EFCAB5: variants seen among roughly 807,000 people sequenced by gnomAD.
EFCAB5 encodes the protein EF-hand calcium binding domain 5.
EFCAB5 carries 131 observed loss-of-function variants against 167.9 expected under a neutral mutation model. That is an observed-to-expected ratio of 0.78 (90% CI 0.68 to 0.90). The LOEUF (loss-of-function observed/expected upper bound fraction) is 0.90, where lower values mean the gene tolerates loss of function less well. EFCAB5 is among the 40% of genes least tolerant of loss of function. EFCAB5 has a pLI of 0.00. For missense variants in EFCAB5, 1,663 were observed against 1,745.2 expected, an observed-to-expected ratio of 0.95 and a Z score of 0.84; for synonymous variants, 574 against 602.8, an observed-to-expected ratio of 0.95 and a Z score of 0.70.
In EFCAB5 at chr17:30,093,017, G is replaced by A. The variant is rs556530676; in HGVS notation, c.4321+81G>A. ...TGTGATTTTTATTAGGATAAAGCAA[G>A]TGGGTCATAAATTCAGTTTTTAGGA... On this transcript the variant is annotated intron_variant, in intron 22 of 22. Coordinates refer to ENST00000394835, the MANE Select transcript of EFCAB5 (RefSeq NM_198529.4). 6.4e-4 allele frequency: 692 copies of A among 1,087,828 alleles called. 5 individuals are homozygous for A. In the Middle Eastern group the frequency reaches 0.025, roughly 39 times the overall value. The allele number at this position is 1,087,828 out of a possible 1,614,324, so 67.4% of individuals were successfully genotyped here.
At chr17:30,097,507 A>T (rs1373944534) in intron 22 of EFCAB5, among the ~76,000 whole-genome samples, 1 of 152,222 alleles carries the variant, frequency 6.6e-6, no homozygotes, top group South Asian at 2.1e-4. Context: ...GCATTTGCAC[A>T]TCTATTTCTG....
rs55875315 is a variant in EFCAB5 at position 29,994,133 on chromosome 17, AATATATATATATATATATATATAT to A, written c.924+833_924+856del. Among the ~76,000 whole-genome samples, 286 of 55,856 alleles carry A rather than the reference AATATATATATATATATATATATAT, an allele frequency of 5.1e-3. 12 individuals carry two copies. The East Asian group carries it at 0.16, about 31-fold the overall frequency. The allele number at this position is 55,856 out of a possible 152,430, so 36.6% of individuals were successfully genotyped here. The stretch of plus-strand genomic sequence containing the variant: ...AAACAAAACAACAACAACAACAACA[AATATATATATATATATATATATAT>A]ATATATATATATATATATATGTGAT... On this transcript the variant is annotated intron_variant, in intron 5 of 22. Coordinates refer to ENST00000394835, the MANE Select transcript of EFCAB5 (RefSeq NM_198529.4).
At chr17:30,011,427 C>T (rs975726048) in intron 7 of EFCAB5, among the ~76,000 whole-genome samples, 2 of 152,260 alleles carry the variant, frequency 1.3e-5, no homozygotes, top group Admixed American at 6.5e-5. Flanking sequence ...TTGATTCTTC[C>T]TATCCATGAG....
chr17:29,960,684 T>C (rs1196649961), intron 3 of EFCAB5, among the ~76,000 whole-genome samples: 1 of 152,162 alleles, frequency 6.6e-6, no homozygotes, highest in Non-Finnish European at 1.5e-5. Context: ...TGTGAATGGA[T>C]GCTTGAGTTG....
intron 14 of EFCAB5, among the ~76,000 whole-genome samples, chr17:30,063,561 T>C (rs528612959): frequency 2.6e-5 from 4 of 151,982 alleles, no homozygotes; most frequent in African/African-American, 9.7e-5. Context: ...ACAGATCCTG[T>C]CTCTATGGGC....
At chr17:30,093,786 T>C (rs1486584044) in intron 22 of EFCAB5, among the ~76,000 whole-genome samples, 1 of 152,188 alleles carries the variant, frequency 6.6e-6, no homozygotes, top group Non-Finnish European at 1.5e-5. Flanking sequence ...AAGCCTTTAG[T>C]GTTAACCACA....
At chr17:30,065,043 C>A (rs1354979659) in intron 14 of EFCAB5, among the ~76,000 whole-genome samples, 1 of 152,182 alleles carries the variant, frequency 6.6e-6, no homozygotes, top group South Asian at 2.1e-4. Context: ...CACCACTAAA[C>A]CGGCCTTACA....
Position 29,956,825 on chromosome 17 carries a change from C to T in EFCAB5, c.191-11966C>T, listed in dbSNP as rs1412596535. Among the ~76,000 whole-genome samples the T allele has an allele frequency of 6.0e-5, 9 of 150,942 alleles. No homozygotes were observed. The South Asian group carries it at 8.4e-4, about 14-fold the overall frequency. The stretch of plus-strand genomic sequence containing the variant: ...ACGGGAGTGATTGAAAGAAGGAAAG[C>T]GGGGAGGGAGGGAGAGAGAGAAAGA... On this transcript the variant is annotated intron_variant, in intron 3 of 22. Transcript: ENST00000394835.
intron 14 of EFCAB5, chr17:30,068,630 G>A: frequency 3.3e-6 from 5 of 1,507,066 alleles, no homozygotes; most frequent in Non-Finnish European, 4.4e-6. Context: ...CGGGTCGCTA[G>A]GGCGGTGGAC....
intron 1 of EFCAB5, among the ~76,000 whole-genome samples, chr17:29,935,033 A>C (rs952980123): frequency 3.9e-5 from 6 of 152,188 alleles, no homozygotes; most frequent in African/African-American, 1.4e-4. Context: ...TCAAAAAAAA[A>C]GACACAAGAA....
Position 29,942,254 on chromosome 17 carries a change from A to G in EFCAB5, c.57A>G (p.Glu19=), listed in dbSNP as rs763860314. The change falls in exon 2 of 23, where the codon GAA becomes GAG. Residue 19 remains glutamate (E), a synonymous_variant. Transcript: ENST00000394835. ...ELRPAQENRK[E]DKERKWNLTE... Reference sequence around the variant, plus strand: ...TTGCATTTCAGGAAAACAGAAAAGAAGACAAAGAGAGGAAATGGAACTTAA... The same window carrying G: ...TTGCATTTCAGGAAAACAGAAAAGAGGACAAAGAGAGGAAATGGAACTTAA... The G allele has an allele frequency of 9.4e-6, 15 of 1,588,636 alleles. No individual in the cohort carries two copies. The Admixed American group carries it at 2.7e-4, about 28-fold the overall frequency.
chr17:30,034,464 T>C, intron 8 of EFCAB5, 79 bp downstream of exon 8: 2 of 1,496,262 alleles, frequency 1.3e-6, no homozygotes, highest in Non-Finnish European at 1.8e-6. Context: ...TTTAGGAGGC[T>C]GAGGCTGGTG....
chr17:29,941,670 G>C lies in EFCAB5; in HGVS notation c.-127G>C. 1 of 727,532 alleles carries C rather than the reference G, an allele frequency of 1.4e-6. No homozygotes were observed. Among genetic ancestry groups the C allele is most frequent in the Non-Finnish European group, 2.3e-6 (1 of 442,294 alleles). The allele number at this position is 727,532 out of a possible 1,614,324, so 45.1% of individuals were successfully genotyped here. A position where few individuals can be genotyped will look rare whatever the true frequency, so the allele number is the denominator to read the frequency against. On this transcript the variant is annotated 5_prime_UTR_variant, in exon 1 of 23. Coordinates refer to ENST00000394835, the MANE Select transcript of EFCAB5 (RefSeq NM_198529.4). ...GAATTGTGGGGTGAGGTGAGGGCAG[G>C]AGTGAGGGAGCTTTTTTAACTTCTG... is the stretch of plus-strand genomic sequence containing the variant.
chr17:30,034,155 G>T (rs2069553890), intron 7 of EFCAB5, 75 bp from the exon 8 acceptor site: 4 of 1,526,492 alleles, frequency 2.6e-6, no homozygotes, highest in African/African-American at 2.7e-5. Context: ...CATGCACATT[G>T]GTTGAATCCT....
intron 20 of EFCAB5, 129 bp downstream of exon 20, chr17:30,090,803 G>T: frequency 7.5e-7 from 1 of 1,329,188 alleles, no homozygotes; most frequent in South Asian, 1.5e-5. Flanking sequence ...CATATAAAAG[G>T]AATTCCCTTA....
At chr17:30,097,019 CATATACATAT>C (rs1567777255) in intron 22 of EFCAB5, among the ~76,000 whole-genome samples, 4 of 118,252 alleles carry the variant, frequency 3.4e-5, no homozygotes, top group African/African-American at 1.6e-4. Flanking sequence ...TATACATATA[CATATACATAT>C]ACATATACAT....
intron 6 of EFCAB5, among the ~76,000 whole-genome samples, chr17:29,998,843 G>C (rs186634205): frequency 6.6e-6 from 1 of 152,200 alleles, no homozygotes; most frequent in African/African-American, 2.4e-5. Context: ...TACAATTTAT[G>C]TATTTTTCTC....
Position 29,943,526 on chromosome 17 carries a change from G to A in EFCAB5, c.106-39G>A, listed in dbSNP as rs560517402. 4.7e-6 allele frequency: 7 copies of A among 1,493,110 alleles called. No individual in the cohort carries two copies. In the African/African-American group the frequency reaches 8.4e-5, roughly 18 times the overall value. The allele number at this position is 1,493,110 out of a possible 1,614,324, so 92.5% of individuals were successfully genotyped here. A position where few individuals can be genotyped will look rare whatever the true frequency, so the allele number is the denominator to read the frequency against. On this transcript the variant is annotated intron_variant, in intron 2 of 22. Transcript: ENST00000394835. ...TTTATACAACTTTGTTGAAAATCAA[G>A]TCACATTGAAATTGGTGATTTTTTT...
Position 30,053,300 on chromosome 17 carries a change from G to C in EFCAB5, c.1346G>C (p.Gly449Ala). ...GAGATAAACTTGACTGAGTTGTGGG[G>C]AGACATGGATAATCAGAAACACATT... The part of the protein sequence containing the change: ...FEEINLTELW[G>A]DMDNQKHIYE... The change falls in exon 10 of 23, where the codon GGA becomes GCA. Residue 449 changes from glycine (G) to alanine (A), a missense_variant. Physicochemically the swap from Gly to Ala is moderately conservative, Grantham distance 60. Coordinates refer to ENST00000394835, the MANE Select transcript of EFCAB5 (RefSeq NM_198529.4). The C allele has an allele frequency of 6.2e-7, 1 of 1,612,744 alleles. No individual in the cohort carries two copies. Among genetic ancestry groups the C allele is most frequent in the Admixed American group, 1.7e-5 (1 of 59,852 alleles).
Sources: gnomAD v4.1 joint callset for allele counts (sites outside exome capture counted in the v4.1 genomes callset) on GRCh38, gnomAD v4.1.1 for gene constraint, MANE v1.5 for transcripts, NCBI Gene and HGNC (gene_info 2026-07-23, HGNC 2026-07-21) for gene names.